Variants in SLC1A7 observed in about 807,000 individuals in gnomAD.
SLC1A7 encodes the protein solute carrier family 1 member 7.
SLC1A7 carries 40 observed loss-of-function variants against 47.7 expected under a neutral mutation model. The observed-to-expected ratio is 0.84, with a 90% CI of 0.65 to 1.09. The LOEUF (loss-of-function observed/expected upper bound fraction) is 1.09. Among genes scored for constraint, SLC1A7 ranks in the 50% least tolerant of loss-of-function variants. The pLI, the probability that SLC1A7 is intolerant of heterozygous loss-of-function variation, is 0.00. For missense variants in SLC1A7, 746 were observed against 769.5 expected, an observed-to-expected ratio of 0.97 and a Z score of 0.36; for synonymous variants, 323 against 325.6, an observed-to-expected ratio of 0.99 and a Z score of 0.09.
At chr1:53,096,846 C>T (rs1461715960) in intron 5 of SLC1A7, among the ~76,000 whole-genome samples, 1 of 151,262 alleles carries the variant, frequency 6.6e-6, no homozygotes, top group Non-Finnish European at 1.5e-5. Flanking sequence ...ACTCACACAC[C>T]CTGCCTCAGT....
chr1:53,108,242 C>T (rs1644665501), intron 3 of SLC1A7: 2 of 270,090 alleles, frequency 7.4e-6, no homozygotes, highest in African/African-American at 2.3e-5. Flanking sequence ...CTCCCACTCA[C>T]TCTTGTCCTC....
At chr1:53,100,112 C>T (rs1644554950) in intron 5 of SLC1A7, among the ~76,000 whole-genome samples, 1 of 149,484 alleles carries the variant, frequency 6.7e-6, no homozygotes, top group Non-Finnish European at 1.5e-5. Flanking sequence ...ACCACCTCGA[C>T]ACACTCATAC....
At chr1:53,133,573 C>CA (rs2150345050) in intron 2 of SLC1A7, among the ~76,000 whole-genome samples, 1 of 152,228 alleles carries the variant, frequency 6.6e-6, no homozygotes, top group Non-Finnish European at 1.5e-5. Flanking sequence ...GGCCTCAGAG[C>CA]AAAAGGCTCT....
At chr1:53,094,403 T>C (rs1644460699) in intron 5 of SLC1A7, among the ~76,000 whole-genome samples, 1 of 152,132 alleles carries the variant, frequency 6.6e-6, no homozygotes, top group South Asian at 2.1e-4. Flanking sequence ...GTGGCTGCCC[T>C]ACCTCCTGGT....
intron 3 of SLC1A7, among the ~76,000 whole-genome samples, chr1:53,109,217 C>G (rs1644676908): frequency 6.6e-6 from 1 of 152,050 alleles, no homozygotes; most frequent in South Asian, 2.1e-4. Flanking sequence ...GTCCCCAAAC[C>G]AAGCCCTAAA....
At chr1:53,095,596 G>A (rs529982489) in intron 5 of SLC1A7, among the ~76,000 whole-genome samples, 15 of 140,736 alleles carry the variant, frequency 1.1e-4, no homozygotes, top group Admixed American at 2.8e-4. Flanking sequence ...CACACACCCC[G>A]CCTCGTTACA....
intron 5 of SLC1A7, among the ~76,000 whole-genome samples, chr1:53,098,399 C>T (rs1478236047): frequency 6.6e-6 from 1 of 151,814 alleles, no homozygotes; most frequent in Non-Finnish European, 1.5e-5. Context: ...GGTACACTCA[C>T]ACACTCCACC....
In SLC1A7 at chr1:53,108,684, G is replaced by A. The variant is rs987800775; in HGVS notation, c.432-2910C>T. 6.3e-5 allele frequency: 45 copies of A among 717,128 alleles called. 1 individual carries two copies. The East Asian group carries it at 1.2e-3, about 19-fold the overall frequency. The allele number at this position is 717,128 out of a possible 1,614,324, so 44.4% of individuals were successfully genotyped here. A position where few individuals can be genotyped will look rare whatever the true frequency, so the allele number is the denominator to read the frequency against. ...AGCTTGAGCAACCTTCATGGACCAT[G>A]AGACTCAGATGAAAGCCAGGTGCTA... On this transcript the variant is annotated intron_variant, in intron 3 of 10. Coordinates refer to ENST00000371494, the MANE Select transcript of SLC1A7 (RefSeq NM_006671.6).
chr1:53,090,403 T>A, intron 8 of SLC1A7: 1 of 762,916 alleles, frequency 1.3e-6, no homozygotes. Flanking sequence ...CTGAGTCCTG[T>A]CCCTGGCCTC....
chr1:53,100,274 T>C (rs61770798), intron 5 of SLC1A7, among the ~76,000 whole-genome samples: 30,820 of 118,384 alleles, frequency 0.26, 3,260 homozygotes, highest in Middle Eastern at 0.42. Flanking sequence ...TCGGTACACT[T>C]GCACACCCAA....
intron 5 of SLC1A7, among the ~76,000 whole-genome samples, chr1:53,102,094 G>A: frequency 6.6e-6 from 1 of 152,242 alleles, no homozygotes; most frequent in Middle Eastern, 3.2e-3. Context: ...CCCTGAGAAA[G>A]GCTGAGTTTG....
intron 2 of SLC1A7, chr1:53,115,336 G>T: frequency 3.3e-6 from 1 of 300,646 alleles, no homozygotes; most frequent in Middle Eastern, 1.1e-3. Flanking sequence ...TGTCCTCTCA[G>T]AAGCTTCCTT....
intron 5 of SLC1A7, among the ~76,000 whole-genome samples, chr1:53,097,126 C>T (rs1644503887): frequency 1.3e-5 from 2 of 151,044 alleles, no homozygotes; most frequent in African/African-American, 4.9e-5. Flanking sequence ...CGCCTCAGTA[C>T]ACCTACACGC....
intron 6 of SLC1A7, among the ~76,000 whole-genome samples, chr1:53,093,103 C>G (rs952964756): frequency 6.6e-6 from 1 of 152,362 alleles, no homozygotes; most frequent in East Asian, 1.9e-4. Context: ...CACTGAGCTC[C>G]TGGACTCTGA....
At chr1:53,093,593 C>T in intron 5 of SLC1A7, 33 bp from the exon 6 acceptor site, 3 of 1,536,406 alleles carry the variant, frequency 2.0e-6, no homozygotes, top group Non-Finnish European at 2.6e-6. Flanking sequence ...TGTGGTAAAG[C>T]AGGGACAGAC....
chr1:53,101,514 TCAGTACACTCACCC>T (rs1644580236), intron 5 of SLC1A7, among the ~76,000 whole-genome samples: 1 of 149,000 alleles, frequency 6.7e-6, no homozygotes, highest in Non-Finnish European at 1.5e-5. Flanking sequence ...ACACCCTGCC[TCAGTACACTCACCC>T]TGACTCGTCA....
intron 5 of SLC1A7, among the ~76,000 whole-genome samples, chr1:53,095,839 ACT>A (rs1469586011): frequency 3.4e-5 from 5 of 147,806 alleles, no homozygotes; most frequent in East Asian, 2.0e-4. Context: ...GCCTCGGTAC[ACT>A]CACACACACC....
chr1:53,111,871 G>C (rs929229502), intron 3 of SLC1A7, among the ~76,000 whole-genome samples: 1 of 152,172 alleles, frequency 6.6e-6, no homozygotes, highest in African/African-American at 2.4e-5. Context: ...GACCCTGCCT[G>C]GATCTCTTTC....
At chr1:53,135,700 G>A (rs1394912464) in intron 1 of SLC1A7, among the ~76,000 whole-genome samples, 3 of 148,312 alleles carry the variant, frequency 2.0e-5, no homozygotes, top group South Asian at 2.1e-4. Context: ...AAAAAAAAAT[G>A]CTGTTTATCT....
Sources: gnomAD v4.1 joint callset for allele counts (sites outside exome capture counted in the v4.1 genomes callset) on GRCh38, gnomAD v4.1.1 for gene constraint, MANE v1.5 for transcripts, NCBI Gene and HGNC (gene_info 2026-07-23, HGNC 2026-07-21) for gene names.